IL12RB1: variants seen among roughly 807,000 people sequenced by gnomAD.
The protein encoded by IL12RB1 is interleukin 12 receptor subunit beta 1.
Under a neutral mutation model 94.4 loss-of-function variants are expected in IL12RB1, and 64 were observed. That is an observed-to-expected ratio of 0.68 (90% confidence interval 0.55 to 0.83). The LOEUF is 0.83. IL12RB1 is among the 40% of genes least tolerant of loss of function. The pLI, the probability that IL12RB1 is intolerant of heterozygous loss-of-function variation, is 0.00. For missense variants in IL12RB1, 814 were observed against 855.6 expected, an observed-to-expected ratio of 0.95 and a Z score of 0.61; for synonymous variants, 362 against 355.5, an observed-to-expected ratio of 1.02 and a Z score of -0.21.
intron 9 of IL12RB1, among the ~76,000 whole-genome samples, chr19:18,071,788 C>T (rs915290431): frequency 1.3e-5 from 2 of 152,084 alleles, no homozygotes; most frequent in African/African-American, 4.8e-5. Context: ...TCTCCTGCCT[C>T]AGCCTCCCAA....
intron 3 of IL12RB1, among the ~76,000 whole-genome samples, chr19:18,081,592 G>A (rs2035903660): frequency 6.6e-6 from 1 of 151,830 alleles, no homozygotes; most frequent in Non-Finnish European, 1.5e-5. Context: ...GGCCAAGGGG[G>A]GGTGGATCAC....
chr19:18,071,126 A>G (rs2035003918), intron 9 of IL12RB1: 2 of 307,940 alleles, frequency 6.5e-6, no homozygotes, highest in South Asian at 5.1e-5. Context: ...TAATCCCAAC[A>G]CTTTGGGAGG....
chr19:18,082,799 G>A (rs968513372), intron 2 of IL12RB1, among the ~76,000 whole-genome samples: 6 of 152,118 alleles, frequency 3.9e-5, no homozygotes, highest in Non-Finnish European at 7.3e-5. Context: ...CAATATGGCC[G>A]GGCACGGTGG....
chr19:18,094,249 C>T (rs1053657156), intron 1 of IL12RB1, among the ~76,000 whole-genome samples: 9 of 152,188 alleles, frequency 5.9e-5, no homozygotes, highest in African/African-American at 1.9e-4. Flanking sequence ...CTGCCTCAGC[C>T]CCCCGAGTAG....
At chr19:18,072,082 C>A (rs1302792979) in intron 9 of IL12RB1, 30 bp downstream of exon 9, 1 of 1,465,480 alleles carries the variant, frequency 6.8e-7, no homozygotes, top group South Asian at 1.1e-5. Flanking sequence ...GAGGGGCCCT[C>A]ATACCGCCCT....
At chr19:18,074,175 T>C (rs1190322936) in intron 7 of IL12RB1, among the ~76,000 whole-genome samples, 3 of 152,210 alleles carry the variant, frequency 2.0e-5, no homozygotes, top group African/African-American at 7.2e-5. Context: ...TTTGTTGTTG[T>C]TGCTGTTGTT....
upstream of IL12RB1, among the ~76,000 whole-genome samples, chr19:18,088,421 A>G (rs1208126018): frequency 6.7e-6 from 1 of 149,198 alleles, no homozygotes; most frequent in African/African-American, 2.5e-5. Context: ...AAAGTTAGCC[A>G]GTCGTGGTGG....
chr19:18,079,104 AT>A (rs562543069), intron 4 of IL12RB1, among the ~76,000 whole-genome samples: 256 of 139,734 alleles, frequency 1.8e-3, no homozygotes, highest in Middle Eastern at 7.3e-3. Flanking sequence ...AACACTTAAA[AT>A]TTTTTTTTTT....
chr19:18,086,670 C>T, intron 1 of IL12RB1, 90 bp downstream of exon 1: 2 of 1,344,530 alleles, frequency 1.5e-6, no homozygotes, highest in Non-Finnish European at 2.1e-6. Context: ...AGAGATGAAA[C>T]CAACCCACAC....
At chr19:18,068,588 C>T in intron 10 of IL12RB1, 62 bp from the exon 11 acceptor site, 3 of 1,432,720 alleles carry the variant, frequency 2.1e-6, no homozygotes, top group South Asian at 1.1e-5. Context: ...TGCACCTTTG[C>T]ACTGGCTGTG....
exon 1 of IL12RB1, chr19:18,098,792 CT>C (rs1427620569): frequency 4.4e-6 from 2 of 456,700 alleles, no homozygotes; most frequent in Admixed American, 2.3e-5. Context: ...GTGTGCCTGG[CT>C]CTGGAGAGGC....
intron 1 of IL12RB1, among the ~76,000 whole-genome samples, chr19:18,085,069 G>A (rs959292167): frequency 6.6e-6 from 1 of 152,168 alleles, no homozygotes; most frequent in Non-Finnish European, 1.5e-5. Flanking sequence ...TGGGATCCCC[G>A]TGCCCTTTGG....
chr19:18,088,408 T>TATATATATATATATA (rs1555788630), upstream of IL12RB1, among the ~76,000 whole-genome samples: 7 of 145,618 alleles, frequency 4.8e-5, no homozygotes, highest in African/African-American at 1.0e-4. Context: ...TATATATAAA[T>TATATATATATATATA]TAAAAGTTAG....
At chr19:18,096,727 T>A (rs1417872383) in intron 1 of IL12RB1, among the ~76,000 whole-genome samples, 1 of 151,190 alleles carries the variant, frequency 6.6e-6, no homozygotes, top group African/African-American at 2.4e-5. Context: ...TCCCAGCTAC[T>A]AGGGAGGCTG....
Position 18,066,706 on chromosome 19 carries a change from A to G in IL12RB1, c.1328-9T>C. On this transcript the variant is annotated splice_polypyrimidine_tract_variant and intron_variant, in intron 11 of 16. Transcript: ENST00000593993. Reference sequence around the variant, plus strand: ...TGTCCCAGCTGCTGAGGCTGCAACCAGTACCATTGTCATAGTCAACACCAA... The same window carrying G: ...TGTCCCAGCTGCTGAGGCTGCAACCGGTACCATTGTCATAGTCAACACCAA... The G allele has an allele frequency of 1.2e-6, 2 of 1,605,794 alleles. No homozygotes were observed. Among genetic ancestry groups the G allele is most frequent in the South Asian group, 1.1e-5 (1 of 90,942 alleles).
intron 4 of IL12RB1, among the ~76,000 whole-genome samples, chr19:18,079,681 G>C (rs1489797995): frequency 2.0e-5 from 3 of 151,620 alleles, no homozygotes; most frequent in Non-Finnish European, 4.4e-5. Flanking sequence ...AGGCTGAGGC[G>C]GGTGGATCAT....
chr19:18,075,252 C>CTTTTTTTTTTTTTTTTTTTT (rs71164363), intron 7 of IL12RB1, among the ~76,000 whole-genome samples: 3 of 132,968 alleles, frequency 2.3e-5, no homozygotes, highest in Non-Finnish European at 3.2e-5. Flanking sequence ...TTTATTATTA[C>CTTTTTTTTTTTTTTTTTTTT]TTTTTTTTTT....
chr19:18,068,159 G>A (rs1237192410), intron 11 of IL12RB1, among the ~76,000 whole-genome samples: 1 of 149,186 alleles, frequency 6.7e-6, no homozygotes, highest in East Asian at 2.0e-4. Context: ...CCAAGTATCT[G>A]GAATTACAGG....
intron 15 of IL12RB1, among the ~76,000 whole-genome samples, chr19:18,060,702 G>A (rs2034059643): frequency 6.6e-6 from 1 of 152,104 alleles, no homozygotes; most frequent in South Asian, 2.1e-4. Context: ...CATAGGCTCA[G>A]GGAAGGGCAT....
Sources: allele counts gnomAD v4.1 joint callset (sites outside exome capture counted in the v4.1 genomes callset), GRCh38; gene constraint gnomAD v4.1.1; transcripts MANE v1.5; gene names NCBI Gene and HGNC (gene_info 2026-07-23, HGNC 2026-07-21).